The following PTPN12 variants were observed in gnomAD, a reference collection of about 807,000 sequenced individuals.
PTPN12 encodes tyrosine-protein phosphatase non-receptor type 12.
A neutral mutation model predicts 97.6 loss-of-function variants in PTPN12; 29 were observed. That is an observed-to-expected ratio of 0.30 (90% CI 0.22 to 0.41). The LOEUF (loss-of-function observed/expected upper bound fraction) is 0.41, where lower values mean the gene tolerates loss of function less well. Among genes scored for constraint, PTPN12 ranks in the 10% least tolerant of loss-of-function variants. The pLI is 1.00. For missense variants in PTPN12, 819 were observed against 926.0 expected (o/e 0.88, Z 1.50); for synonymous variants, 327 against 300.4 (o/e 1.09, Z -0.91).
At chr7:77,583,418 A>G (rs1407952659) in intron 3 of PTPN12, 137 bp from the exon 4 acceptor site, 12 of 615,404 alleles carry the variant, frequency 1.9e-5, no homozygotes, top group African/African-American at 7.4e-5. Context: ...TTAATATACT[A>G]TGAAAGACAC....
intron 5 of PTPN12, among the ~76,000 whole-genome samples, chr7:77,587,871 G>T (rs1787743108): frequency 6.6e-6 from 1 of 152,224 alleles, no homozygotes; most frequent in South Asian, 2.1e-4. Flanking sequence ...ATGTTATGGG[G>T]ACAGCTTCTT....
intron 4 of PTPN12, chr7:77,585,066 A>G (rs1222320223): frequency 1.3e-5 from 2 of 152,426 alleles, no homozygotes; most frequent in Non-Finnish European, 2.9e-5. Context: ...TGGCTATACA[A>G]TGTTTACTGT....
At chr7:77,553,363 T>C (rs1465451792) in intron 1 of PTPN12, among the ~76,000 whole-genome samples, 2 of 152,254 alleles carry the variant, frequency 1.3e-5, no homozygotes, top group Non-Finnish European at 2.9e-5. Flanking sequence ...GCTTGCTTGA[T>C]CTGTCCATTT....
Position 77,571,161 on chromosome 7 carries a change from G to A in PTPN12, c.183G>A (p.Lys61=). Residue 61 remains lysine, a synonymous_variant, in exon 2 of 18, where the codon AAG becomes AAA. Transcript: ENST00000248594. ...ATGEKEENVK[K]NRYKDILPFD... is the part of the protein sequence containing the mutation. ...GAGAAAAAGAAGAAAATGTTAAAAA[G>A]AACAGATACAAGGACATACTGCCAT... 6.2e-7 allele frequency: 1 copy of A among 1,600,632 alleles called. No homozygotes were observed. The highest frequency in any genetic ancestry group is 1.7e-4 in the Middle Eastern group (1 of 6,030).
chr7:77,558,579 A>G (rs1807836974), intron 1 of PTPN12, among the ~76,000 whole-genome samples: 1 of 152,208 alleles, frequency 6.6e-6, no homozygotes, highest in Non-Finnish European at 1.5e-5. Context: ...GTATGCAGAA[A>G]AGAGTAACAT....
rs767935457 is a variant in PTPN12 at position 77,607,312 on chromosome 7, T to C, written c.762+11T>C. 2 of 1,579,890 alleles carry C rather than the reference T, an allele frequency of 1.3e-6. No homozygotes were observed. The highest frequency in any genetic ancestry group is 2.2e-5 in the South Asian group (2 of 89,756). On this transcript the variant is annotated intron_variant, in intron 9 of 17. Coordinates refer to ENST00000248594, the MANE Select transcript of PTPN12 (RefSeq NM_002835.4). ...TTACTAAAAGCTGGGGTAAGAATAA[T>C]TTTTTGTAGCATTATGTTCAATTGA...
intron 1 of PTPN12, among the ~76,000 whole-genome samples, chr7:77,556,979 T>G (rs1178897664): frequency 1.2e-5 from 1 of 85,560 alleles, no homozygotes; most frequent in Non-Finnish European, 2.9e-5. Context: ...TTTTTGTTTG[T>G]TTTTTTTTTA....
Position 77,639,436 on chromosome 7 carries a change from A to T in PTPN12, c.*156A>T. ...TGGGACCATCTACCTGCCTTATACT[A>T]CACTTAGGAAAAAGTATTACATATG... On this transcript the variant is annotated 3_prime_UTR_variant, in exon 18 of 18. Coordinates refer to ENST00000248594, the MANE Select transcript of PTPN12 (RefSeq NM_002835.4). 1 of 565,160 alleles carries T rather than the reference A, an allele frequency of 1.8e-6. No homozygotes were observed. The allele number at this position is 565,160 out of a possible 1,614,324, so 35.0% of individuals were successfully genotyped here. A position where few individuals can be genotyped will look rare whatever the true frequency, so the allele number is the denominator to read the frequency against.
rs36001881 is a variant in PTPN12, at chr7:77,560,623, G to A, written c.100-10455G>A. Among the ~76,000 whole-genome samples the A allele has an allele frequency of 7.3e-3, 1,108 of 152,132 alleles. 10 individuals are homozygous for A. The highest frequency in any genetic ancestry group is 0.012 in the Non-Finnish European group (821 of 68,012). ...GTCTGTATGGATTTGACAATTCTAG[G>A]TGCCTCATATAATTAGGATTATAAA... On this transcript the variant is annotated intron_variant, in intron 1 of 17. Transcript: ENST00000248594.
chr7:77,595,779 A>C (rs1788004523), intron 6 of PTPN12, among the ~76,000 whole-genome samples: 2 of 152,214 alleles, frequency 1.3e-5, no homozygotes, highest in Admixed American at 6.5e-5. Context: ...TATTAATAAA[A>C]CAACATACAC....
intron 1 of PTPN12, among the ~76,000 whole-genome samples, chr7:77,542,398 T>A (rs2151294090): frequency 6.6e-6 from 1 of 152,348 alleles, no homozygotes; most frequent in South Asian, 2.1e-4. Flanking sequence ...TCTGGGTTTC[T>A]GGAGCACTAC....
At chr7:77,626,232 A>G (rs1478973417) in intron 12 of PTPN12, among the ~76,000 whole-genome samples, 2 of 152,214 alleles carry the variant, frequency 1.3e-5, no homozygotes, top group Non-Finnish European at 2.9e-5. Flanking sequence ...AGAAGAAAAG[A>G]TACGAAATCA....
intron 8 of PTPN12, among the ~76,000 whole-genome samples, chr7:77,605,721 T>C (rs959996948): frequency 1.3e-4 from 20 of 151,702 alleles, no homozygotes; most frequent in African/African-American, 4.6e-4. Flanking sequence ...GAGCCCAGCC[T>C]GTCATGTTTT....
At chr7:77,549,130 G>A (rs1807358345) in intron 1 of PTPN12, among the ~76,000 whole-genome samples, 2 of 152,154 alleles carry the variant, frequency 1.3e-5, no homozygotes, top group South Asian at 4.1e-4. Flanking sequence ...CAGTGAGATG[G>A]GTGTTGTATA....
chr7:77,585,320 GTTAA>G (rs1787654831), intron 4 of PTPN12: 1 of 413,940 alleles, frequency 2.4e-6, no homozygotes, highest in African/African-American at 2.1e-5. Flanking sequence ...AAAACATCAT[GTTAA>G]TTGGAACCAA....
rs1204657850 is a variant in PTPN12, at chr7:77,547,940, CT to C, written c.99+10297del. Among the ~76,000 whole-genome samples, 16 of 152,246 alleles carry C rather than the reference CT, an allele frequency of 1.1e-4. No homozygotes were observed. In the Middle Eastern group the frequency reaches 0.01, roughly 97 times the overall value. On this transcript the variant is annotated intron_variant, in intron 1 of 17. Transcript: ENST00000248594. ...AATAGGATTTCCAAAGGAATATCAG[CT>C]TAAATGCTATTATGAAATTGGCCTG...
intron 7 of PTPN12, among the ~76,000 whole-genome samples, chr7:77,599,096 TATTA>T (rs938827322): frequency 2.0e-5 from 3 of 151,796 alleles, no homozygotes; most frequent in Admixed American, 6.6e-5. Context: ...TAAAAAGTAA[TATTA>T]ATTATAACAT....
chr7:77,557,381 T>A (rs1017606576), intron 1 of PTPN12, among the ~76,000 whole-genome samples: 1 of 152,224 alleles, frequency 6.6e-6, no homozygotes, highest in African/African-American at 2.4e-5. Flanking sequence ...CTCTGATTAC[T>A]CGTGATTCTC....
chr7:77,581,849 A>G (rs535303432), intron 3 of PTPN12, among the ~76,000 whole-genome samples: 1 of 152,284 alleles, frequency 6.6e-6, no homozygotes, highest in South Asian at 2.1e-4. Flanking sequence ...GTTGTTTCCA[A>G]ATTTTTAAAA....
Sources: allele counts gnomAD v4.1 joint callset (sites outside exome capture counted in the v4.1 genomes callset), GRCh38; gene constraint gnomAD v4.1.1; transcripts MANE v1.5; gene names NCBI Gene and HGNC (gene_info 2026-07-23, HGNC 2026-07-21).